Variants in MYO6 observed in about 807,000 individuals in gnomAD.
MYO6 encodes myosin VI, also known as unconventional myosin-VI.
Under a neutral mutation model 178.7 loss-of-function variants are expected in MYO6, and 74 were observed. That is an observed-to-expected ratio of 0.41 (90% CI 0.34 to 0.50). The LOEUF is 0.50. MYO6 is among the 20% of genes least tolerant of loss of function. The probability of loss-of-function intolerance (pLI) is 0.09; values close to 1 mark genes in which losing one functional copy is unlikely to be tolerated. For synonymous variants in MYO6, 477 were observed against 504.6 expected (o/e 0.95, Z 0.73); for missense variants, 1,330 against 1,547.4 (o/e 0.86, Z 2.36).
rs1771383337 is a variant in MYO6, at chr6:75,817,407, G to A, written c.-47-94G>A. ...CATGGGCAGATGTGTTTGTTAGTTG[G>A]GACTTACATGTGAACTTTTGAAAAA... On this transcript the variant is annotated intron_variant, in intron 1 of 34. Transcript: ENST00000369977. The A allele has an allele frequency of 8.2e-6, 6 of 734,830 alleles. No homozygotes were observed. The East Asian group carries it at 1.3e-4, about 17-fold the overall frequency. The allele number at this position is 734,830 out of a possible 1,614,324, so 45.5% of individuals were successfully genotyped here.
At chr6:75,755,411 T>C (rs1352124435) in intron 1 of MYO6, among the ~76,000 whole-genome samples, 1 of 152,114 alleles carries the variant, frequency 6.6e-6, no homozygotes, top group Non-Finnish European at 1.5e-5. Context: ...TCTGAAAAAT[T>C]AGGGTCACTA....
Position 75,832,881 on chromosome 6 carries a change from G to A in MYO6, c.431G>A (p.Ser144Asn). 1 of 1,614,100 alleles carries A rather than the reference G, an allele frequency of 6.2e-7. No individual in the cohort carries two copies. The highest frequency in any genetic ancestry group is 8.5e-7 in the Non-Finnish European group (1 of 1,179,982). ...CGAGACATGAAGGTGCTCAAGATGA[G>A]TCAGTCTATCATTGTATCTGGAGAA... is the stretch of plus-strand genomic sequence containing the variant. ...AFRDMKVLKM[S>N]QSIIVSGESG... The change falls in exon 6 of 35, where the codon AGT becomes AAT. Residue 144 changes from serine (S) to asparagine (N), a missense_variant. This residue lies in a region of MYO6 where 613 missense variants were observed against 816.8 expected (regional missense o/e 0.75). Transcript: ENST00000369977.
At chr6:75,781,113 G>A (rs754170751) in intron 1 of MYO6, among the ~76,000 whole-genome samples, 5 of 151,870 alleles carry the variant, frequency 3.3e-5, no homozygotes, top group Non-Finnish European at 4.4e-5. Flanking sequence ...GTGCCCAGCC[G>A]AGATTAAAAT....
chr6:75,828,962 T>C (rs1487174199), intron 4 of MYO6, among the ~76,000 whole-genome samples: 1 of 152,166 alleles, frequency 6.6e-6, no homozygotes, highest in Admixed American at 6.6e-5. Context: ...GGTATGTCTG[T>C]AGATATGTTT....
At chr6:75,773,591 T>C (rs1766096543) in intron 1 of MYO6, among the ~76,000 whole-genome samples, 1 of 152,180 alleles carries the variant, frequency 6.6e-6, no homozygotes, top group South Asian at 2.1e-4. Context: ...GATTGAGAGA[T>C]GGATTTGTGA....
rs542518147 is a variant in MYO6 at position 75,877,150 on chromosome 6, A to G, written c.2078-2670A>G. 7.9e-5 allele frequency among the ~76,000 whole-genome samples: 12 copies of G among 151,598 alleles called. No homozygotes were observed. The South Asian group carries it at 1.3e-3, about 16-fold the overall frequency. On this transcript the variant is annotated intron_variant, in intron 20 of 34. Transcript: ENST00000369977. The stretch of plus-strand genomic sequence containing the variant: ...GCACCACCATGCTGGCTAATTTTGT[A>G]TTTTTAGTAGAGATGGGCTTTCTCC...
chr6:75,813,698 G>A (rs1770924112), intron 1 of MYO6, among the ~76,000 whole-genome samples: 1 of 152,198 alleles, frequency 6.6e-6, no homozygotes, highest in Non-Finnish European at 1.5e-5. Flanking sequence ...GGTGAGTATT[G>A]CCTGGCTACC....
chr6:75,763,421 T>C (rs1778124883), intron 1 of MYO6, among the ~76,000 whole-genome samples: 1 of 152,214 alleles, frequency 6.6e-6, no homozygotes, highest in Admixed American at 6.5e-5. Context: ...CAAATGATTG[T>C]TTCCTAGATT....
intron 11 of MYO6, among the ~76,000 whole-genome samples, chr6:75,851,221 A>G (rs1271249347): frequency 6.6e-6 from 1 of 152,242 alleles, no homozygotes; most frequent in Non-Finnish European, 1.5e-5. Flanking sequence ...TTTGAAGAGT[A>G]TGAAATGCCC....
rs933852891 is a variant in MYO6 at position 75,858,578 on chromosome 6, CTGTGTGACAG to C, written c.1382-323_1382-314del. ...CAAGATTGTAGCACTGCACTCCAGC[CTGTGTGACAG>C]GGATCCTATCTCAAAAATAAATAAA... On this transcript the variant is annotated intron_variant, in intron 13 of 34. Transcript: ENST00000369977. 2.4e-4 allele frequency among the ~76,000 whole-genome samples: 37 copies of C among 152,236 alleles called. 1 individual carries two copies. The highest frequency in any genetic ancestry group is 5.9e-4 in the Admixed American group (9 of 15,290).
At chr6:75,886,714 T>G in intron 24 of MYO6, 130 bp from the exon 25 acceptor site, 1 of 880,220 alleles carries the variant, frequency 1.1e-6, no homozygotes, top group Non-Finnish European at 1.8e-6. Context: ...CAACAAGAGA[T>G]CTGAAAAAGA....
rs370647728 is a variant in MYO6, at chr6:75,753,455, G to GTGTGTATATATATATATATA, written c.-48+4033_-48+4034insGTGTATATATATATATATAT. On this transcript the variant is annotated intron_variant, in intron 1 of 34. Transcript: ENST00000369977. The stretch of plus-strand genomic sequence containing the variant: ...ATGATCTATATATGTGTGTGTGTGT[G>GTGTGTATATATATATATATA]TATATATATATATATATATATATAT... Among the ~76,000 whole-genome samples the GTGTGTATATATATATATATA allele has an allele frequency of 7.7e-4, 108 of 140,038 alleles. 1 individual carries two copies. The highest frequency in any genetic ancestry group is 3.7e-3 in the Middle Eastern group (1 of 270). The allele number at this position is 140,038 out of a possible 152,430, so 91.9% of individuals were successfully genotyped here. A position where few individuals can be genotyped will look rare whatever the true frequency, so the allele number is the denominator to read the frequency against.
rs775875205 is a variant in MYO6, at chr6:75,867,038, A to G, written c.1877A>G (p.Asn626Ser). The change falls in exon 18 of 35, where the codon AAT becomes AGT. Residue 626 changes from asparagine to serine, a missense_variant. Transcript: ENST00000369977. ...FIRELFESST[N>S]NNKDTKQKAG... ...CGGGAATTATTTGAATCATCCACAA[A>G]TAACAACAAAGATACTAAACAAAAA... is the stretch of plus-strand genomic sequence containing the variant. 1.2e-6 allele frequency: 2 copies of G among 1,614,056 alleles called. No individual in the cohort carries two copies. The highest frequency in any genetic ancestry group is 1.7e-4 in the Middle Eastern group (1 of 6,052).
chr6:75,754,792 C>T (rs1022731544), intron 1 of MYO6, among the ~76,000 whole-genome samples: 4 of 152,216 alleles, frequency 2.6e-5, no homozygotes, highest in African/African-American at 9.6e-5. Flanking sequence ...AAGACATATA[C>T]GTCAAAAGCT....
intron 1 of MYO6, among the ~76,000 whole-genome samples, chr6:75,805,019 A>ATTTTTTTTT (rs1285917454): frequency 2.0e-4 from 12 of 61,346 alleles, no homozygotes; most frequent in African/African-American, 8.7e-4. Context: ...ATATATATAT[A>ATTTTTTTTT]TATTTTTTTT....
At chr6:75,763,946 T>C (rs1044374161) in intron 1 of MYO6, among the ~76,000 whole-genome samples, 1 of 152,222 alleles carries the variant, frequency 6.6e-6, no homozygotes, top group East Asian at 1.9e-4. Flanking sequence ...CATTGTAATT[T>C]GTGCTGTGTC....
intron 1 of MYO6, among the ~76,000 whole-genome samples, chr6:75,817,082 G>A (rs1364152121): frequency 6.6e-6 from 1 of 152,122 alleles, no homozygotes; most frequent in African/African-American, 2.4e-5. Context: ...GAGGCAGGCG[G>A]ATCACGAGGT....
At chr6:75,825,053 C>G (rs1209483179) in intron 3 of MYO6, among the ~76,000 whole-genome samples, 1 of 152,096 alleles carries the variant, frequency 6.6e-6, no homozygotes, top group East Asian at 1.9e-4. Flanking sequence ...GCCACTGCAC[C>G]GAGCTATAGC....
intron 10 of MYO6, among the ~76,000 whole-genome samples, chr6:75,846,701 T>G (rs2150272467): frequency 6.6e-6 from 1 of 152,212 alleles, no homozygotes; most frequent in East Asian, 1.9e-4. Flanking sequence ...AATGGAGACC[T>G]TTCCTAGTGG....
Sources: gnomAD v4.1 joint callset for allele counts (sites outside exome capture counted in the v4.1 genomes callset) on GRCh38, gnomAD v4.1.1 for gene constraint, gnomAD v4.1.1 regional missense constraint, MANE v1.5 for transcripts, NCBI Gene and HGNC (gene_info 2026-07-23, HGNC 2026-07-21) for gene names.